The following PIWIL2 variants were observed in gnomAD, a reference collection of about 807,000 sequenced individuals.
PIWIL2 encodes piwi like RNA-mediated gene silencing 2, also known as piwi-like protein 2.
PIWIL2 carries 81 observed loss-of-function variants against 116.5 expected under a neutral mutation model. The observed-to-expected ratio is 0.70, with a 90% confidence interval of 0.58 to 0.84. PIWIL2 has a LOEUF of 0.84. PIWIL2 is among the 40% of genes least tolerant of loss of function. The pLI is 0.00. For missense variants in PIWIL2, 1,272 were observed against 1,212.3 expected, an observed-to-expected ratio of 1.05 and a Z score of -0.73; for synonymous variants, 489 against 429.5, an observed-to-expected ratio of 1.14 and a Z score of -1.71.
rs1044541452 is a variant in PIWIL2, at chr8:22,307,467, T to C, written c.1546-466T>C. Among the ~76,000 whole-genome samples the C allele has an allele frequency of 1.0e-4, 14 of 140,064 alleles. No homozygotes were observed. In the South Asian group the frequency reaches 3.1e-3, roughly 31 times the overall value. The allele number at this position is 140,064 out of a possible 152,430, so 91.9% of individuals were successfully genotyped here. ...GTCGATGACATTTGAAATTCTTTTATTATTCATTTTTTTTTTTTTTTTTTT... is the reference window on the plus strand; with the variant it reads ...GTCGATGACATTTGAAATTCTTTTACTATTCATTTTTTTTTTTTTTTTTTT... On this transcript the variant is annotated intron_variant, in intron 13 of 22. Coordinates refer to ENST00000356766, the MANE Select transcript of PIWIL2 (RefSeq NM_018068.5).
At chr8:22,284,073 ATCT>A (rs1245618198) in intron 5 of PIWIL2, 86 bp from the exon 6 acceptor site, 9 of 637,138 alleles carry the variant, frequency 1.4e-5, no homozygotes, top group Non-Finnish European at 2.4e-5. Context: ...ACTTCCCCCA[ATCT>A]TCTTGTTGTT....
intron 10 of PIWIL2, among the ~76,000 whole-genome samples, chr8:22,291,158 T>C (rs1042335186): frequency 6.6e-6 from 1 of 151,262 alleles, no homozygotes; most frequent in African/African-American, 2.4e-5. Flanking sequence ...TTCTTTTCTT[T>C]TTTTTTTTCT....
intron 9 of PIWIL2, 46 bp downstream of exon 9, chr8:22,289,973 A>T (rs1830722208): frequency 1.6e-6 from 2 of 1,269,654 alleles, no homozygotes; most frequent in Non-Finnish European, 1.2e-6. Context: ...TTCTGGAAAG[A>T]AAGTTTCCAT....
In PIWIL2 at chr8:22,354,317, A is replaced by T; in HGVS notation, c.2704A>T (p.Ile902Phe). Reference protein sequence around the residue: ...LAHHVRQGCGIPTHYVCVLNT... With the variant: ...LAHHVRQGCGFPTHYVCVLNT... ...CCATCATGTACGGCAGGGCTGTGGC[A>T]TTCCTACGCATTATGTCTGTGTTCT... The change falls in exon 22 of 23, where the codon ATT becomes TTT. Residue 902 changes from isoleucine to phenylalanine, a missense_variant. Physicochemically the swap from Ile to Phe is conservative, Grantham distance 21. Coordinates refer to ENST00000356766, the MANE Select transcript of PIWIL2 (RefSeq NM_018068.5). 1 of 1,613,834 alleles carries T rather than the reference A, an allele frequency of 6.2e-7. No homozygotes were observed. Among genetic ancestry groups the T allele is most frequent in the Non-Finnish European group, 8.5e-7 (1 of 1,179,788 alleles).
At chr8:22,346,193 A>G (rs991962903) in intron 20 of PIWIL2, among the ~76,000 whole-genome samples, 7 of 152,142 alleles carry the variant, frequency 4.6e-5, no homozygotes, top group African/African-American at 1.7e-4. Context: ...CACTGCACTC[A>G]GGCCTGGGCA....
intron 20 of PIWIL2, among the ~76,000 whole-genome samples, chr8:22,318,980 C>T (rs1285728787): frequency 6.6e-6 from 1 of 152,152 alleles, no homozygotes; most frequent in African/African-American, 2.4e-5. Flanking sequence ...ACAAATGCCT[C>T]CTTATAAATC....
intron 20 of PIWIL2, among the ~76,000 whole-genome samples, chr8:22,348,703 C>T (rs183125713): frequency 3.3e-4 from 51 of 152,262 alleles, no homozygotes; most frequent in Admixed American, 2.6e-3. Flanking sequence ...GCAGGAGGAT[C>T]GCTTGAGCCC....
intron 20 of PIWIL2, among the ~76,000 whole-genome samples, chr8:22,347,903 G>A (rs1199420709): frequency 6.6e-6 from 1 of 151,992 alleles, no homozygotes; most frequent in Non-Finnish European, 1.5e-5. Context: ...TGTTGCCATA[G>A]CATTTATATC....
chr8:22,281,477 G>A lies in PIWIL2; in HGVS notation c.387G>A (p.Gly129=), dbSNP rs1159812154. Residue 129 remains glycine (G), a synonymous_variant, in exon 4 of 23, where the codon GGG becomes GGA. Transcript: ENST00000356766. ...TFWDPKVLAA[G]DSKMAETSVG... ...GGGATCCAAAAGTGTTGGCGGCTGG[G>A]GACAGCAAGATGGCAGAGACCTCCG... 6.3e-7 allele frequency: 1 copy of A among 1,598,686 alleles called. No homozygotes were observed. The highest frequency in any genetic ancestry group is 8.5e-7 in the Non-Finnish European group (1 of 1,176,508).
intron 14 of PIWIL2, among the ~76,000 whole-genome samples, chr8:22,308,850 T>G (rs537316694): frequency 1.6e-3 from 242 of 152,266 alleles, no homozygotes; most frequent in African/African-American, 5.5e-3. Context: ...AGTTTCACCA[T>G]GTTGCCATGG....
At chr8:22,334,233 C>T (rs1450052636) in intron 20 of PIWIL2, among the ~76,000 whole-genome samples, 7 of 151,782 alleles carry the variant, frequency 4.6e-5, no homozygotes, top group Admixed American at 3.9e-4. Flanking sequence ...CCTTGGCCTC[C>T]CAAAGTGCTG....
chr8:22,294,644 CAA>C (rs897494985), intron 10 of PIWIL2, among the ~76,000 whole-genome samples: 16 of 29,894 alleles, frequency 5.4e-4, no homozygotes, highest in African/African-American at 1.5e-3. Context: ...GACTCTGTCT[CAA>C]AAAAAAAAAA....
chr8:22,281,650 CAA>C (rs1830505442), intron 4 of PIWIL2, 135 bp downstream of exon 4: 1 of 697,538 alleles, frequency 1.4e-6, no homozygotes, highest in East Asian at 3.2e-5. Context: ...GCATATTTCT[CAA>C]GAGTAGTCAG....
At chr8:22,296,020 C>CTTTTTTTTTTTTTTTTTTTTTTTTT (rs67357452) in intron 10 of PIWIL2, among the ~76,000 whole-genome samples, 1 of 102,846 alleles carries the variant, frequency 9.7e-6, no homozygotes, top group Non-Finnish European at 2.0e-5. Context: ...CTCTTCCCTT[C>CTTTTTTTTTTTTTTTTTTTTTTTTT]TTTTTTTTTT....
chr8:22,294,252 C>A (rs906381632), intron 10 of PIWIL2, among the ~76,000 whole-genome samples: 2 of 149,140 alleles, frequency 1.3e-5, no homozygotes, highest in African/African-American at 4.9e-5. Flanking sequence ...GCACGAGAAT[C>A]GCTTGAACCC....
chr8:22,276,444 T>A (rs895748851), intron 1 of PIWIL2, among the ~76,000 whole-genome samples: 5 of 152,008 alleles, frequency 3.3e-5, no homozygotes, highest in African/African-American at 1.2e-4. Context: ...GCCTCCCGAG[T>A]AGCTGGGATT....
chr8:22,353,298 T>G, intron 21 of PIWIL2, 86 bp downstream of exon 21: 1 of 1,159,070 alleles, frequency 8.6e-7, no homozygotes, highest in Middle Eastern at 2.0e-4. Context: ...GGAGGTTTCC[T>G]GGAGAGTTGT....
intron 20 of PIWIL2, among the ~76,000 whole-genome samples, chr8:22,329,603 T>C (rs1831811086): frequency 6.6e-6 from 1 of 152,238 alleles, no homozygotes; most frequent in African/African-American, 2.4e-5. Context: ...TCTGCTCCTA[T>C]AATCGAAACA....
At chr8:22,319,787 A>G (rs1831551866) in intron 20 of PIWIL2, among the ~76,000 whole-genome samples, 1 of 152,312 alleles carries the variant, frequency 6.6e-6, no homozygotes, top group East Asian at 1.9e-4. Context: ...GGTGGAAGTC[A>G]TGCTGCATTT....
Sources: allele counts gnomAD v4.1 joint callset (sites outside exome capture counted in the v4.1 genomes callset), GRCh38; gene constraint gnomAD v4.1.1; transcripts MANE v1.5; gene names NCBI Gene and HGNC (gene_info 2026-07-23, HGNC 2026-07-21).